Variants in XKR6 observed in about 807,000 individuals in gnomAD.
XKR6 encodes the protein XK-related protein 6.
XKR6 carries 22 observed loss-of-function variants against 56.7 expected under a neutral mutation model. The observed-to-expected ratio is 0.39, with a 90% CI of 0.28 to 0.55. The LOEUF is 0.55. Ranked by LOEUF, XKR6 falls within the 20% of genes least tolerant of loss-of-function variation. The probability of loss-of-function intolerance (pLI) is 0.66; values close to 1 mark genes in which losing one functional copy is unlikely to be tolerated. For missense variants in XKR6, 852 were observed against 889.0 expected (o/e 0.96, Z 0.53); for synonymous variants, 524 against 387.8 (o/e 1.35, Z -4.13).
chr8:10,979,845 G>A (rs1797687701), intron 1 of XKR6, among the ~76,000 whole-genome samples: 1 of 152,216 alleles, frequency 6.6e-6, no homozygotes, highest in Non-Finnish European at 1.5e-5. Context: ...AGACTCCCAG[G>A]CTGAGGTCTT....
At chr8:11,148,221 GACAA>G (rs1179477444) in intron 1 of XKR6, among the ~76,000 whole-genome samples, 10 of 151,894 alleles carry the variant, frequency 6.6e-5, no homozygotes, top group Admixed American at 2.0e-4. Context: ...AAAACAAACA[GACAA>G]ACAAACAAAA....
chr8:10,995,986 T>C (rs1451462541), intron 1 of XKR6, among the ~76,000 whole-genome samples: 2 of 152,212 alleles, frequency 1.3e-5, no homozygotes, highest in African/African-American at 2.4e-5. Flanking sequence ...TTTCCTTGTT[T>C]ACATGATATA....
chr8:10,982,623 A>G (rs1398463529), intron 1 of XKR6, among the ~76,000 whole-genome samples: 1 of 152,194 alleles, frequency 6.6e-6, no homozygotes, highest in African/African-American at 2.4e-5. Flanking sequence ...GAAGTCCGGG[A>G]GATATCTTCC....
chr8:11,177,213 C>G (rs1000188717), intron 1 of XKR6, among the ~76,000 whole-genome samples: 72 of 152,178 alleles, frequency 4.7e-4, no homozygotes, highest in African/African-American at 1.6e-3. Context: ...TGTAACCTCC[C>G]ACAGCTACAA....
At chr8:10,970,195 C>T (rs140251683) in intron 1 of XKR6, among the ~76,000 whole-genome samples, 17 of 152,256 alleles carry the variant, frequency 1.1e-4, no homozygotes, top group East Asian at 9.6e-4. Flanking sequence ...TCTCTGGAGG[C>T]GAGGGAAGAC....
intron 1 of XKR6, chr8:11,128,790 A>G (rs1799955041): frequency 2.2e-6 from 1 of 456,158 alleles, no homozygotes; most frequent in Non-Finnish European, 4.4e-6. Context: ...CCATCAGCTG[A>G]CCAAATTAGC....
intron 1 of XKR6, among the ~76,000 whole-genome samples, chr8:10,981,932 C>T (rs925132652): frequency 2.0e-5 from 3 of 152,200 alleles, no homozygotes; most frequent in African/African-American, 7.2e-5. Flanking sequence ...AAGCTCATGG[C>T]TTGGATTAAG....
intron 1 of XKR6, among the ~76,000 whole-genome samples, chr8:11,130,264 T>C (rs927901425): frequency 6.6e-6 from 1 of 152,102 alleles, no homozygotes; most frequent in African/African-American, 2.4e-5. Flanking sequence ...AAATGATAGA[T>C]TTTTCAGCAA....
At chr8:11,179,502 CAT>C (rs755293476) in intron 1 of XKR6, among the ~76,000 whole-genome samples, 46 of 152,286 alleles carry the variant, frequency 3.0e-4, no homozygotes, top group East Asian at 7.7e-4. Flanking sequence ...CTGATATGCA[CAT>C]GTGTGTGTGT....
chr8:11,191,959 G>T (rs919717024), intron 1 of XKR6, among the ~76,000 whole-genome samples: 1 of 152,058 alleles, frequency 6.6e-6, no homozygotes, highest in South Asian at 2.1e-4. Flanking sequence ...CATATTTGAG[G>T]TGAAGTATTT....
At chr8:11,137,814 C>A (rs1342454839) in intron 1 of XKR6, 3 of 395,132 alleles carry the variant, frequency 7.6e-6, no homozygotes, top group South Asian at 1.9e-5. Context: ...CTGAACTGCA[C>A]CGCAACTCTA....
At chr8:11,071,656 G>A (rs549540529) in intron 1 of XKR6, among the ~76,000 whole-genome samples, 5 of 150,652 alleles carry the variant, frequency 3.3e-5, no homozygotes, top group South Asian at 4.3e-4. Context: ...CATGAGCCCC[G>A]AGTCTATGAG....
chr8:10,898,728 G>A lies in XKR6; in HGVS notation c.1150C>T (p.Leu384Phe), dbSNP rs1246454135. Residue 384 changes from leucine (L) to phenylalanine (F), a missense_variant, in exon 3 of 3, where the codon CTC (leucine) becomes TTC (phenylalanine). Leu to Phe is a conservative substitution (Grantham distance 22, BLOSUM62 0). Transcript: ENST00000416569. The surrounding 1 kb of genome is among the most constrained non-coding windows in gnomAD (Gnocchi z 6.6). ...ACCACCACGAAGATCCCAAAATAGA[G>A]CTGGAAGATGGAAGCAAAGAGGGCA... is the stretch of plus-strand genomic sequence containing the variant. ...SFALFASIFQ[L>F]YFGIFVVVHW... 2 of 1,613,996 alleles carry A rather than the reference G, an allele frequency of 1.2e-6. No homozygotes were observed. The highest frequency in any genetic ancestry group is 1.7e-5 in the Admixed American group (1 of 59,996).
chr8:11,185,761 T>C (rs576087502), intron 1 of XKR6, among the ~76,000 whole-genome samples: 1 of 152,360 alleles, frequency 6.6e-6, no homozygotes, highest in African/African-American at 2.4e-5. Context: ...ACAATACTTT[T>C]CATTGAGTCC....
intron 1 of XKR6, among the ~76,000 whole-genome samples, chr8:11,191,727 A>T (rs1585039264): frequency 6.6e-6 from 1 of 151,038 alleles, no homozygotes; most frequent in South Asian, 2.1e-4. Context: ...ACAGAGAGGG[A>T]CTATTCTAAA....
intron 2 of XKR6, among the ~76,000 whole-genome samples, chr8:10,911,482 T>C (rs989968133): frequency 5.4e-5 from 8 of 148,668 alleles, no homozygotes; most frequent in African/African-American, 1.5e-4. Flanking sequence ...TGTGTATATA[T>C]ATATATAGAG....
chr8:10,994,722 T>G (rs4841472), intron 1 of XKR6, among the ~76,000 whole-genome samples: 56,049 of 152,070 alleles, frequency 0.37, 11,260 homozygotes, highest in African/African-American at 0.5. Context: ...AGAAAAAAAA[T>G]ACCCATTTTA....
chr8:11,076,916 C>A (rs988142047), intron 1 of XKR6, among the ~76,000 whole-genome samples: 4 of 152,160 alleles, frequency 2.6e-5, no homozygotes, highest in Non-Finnish European at 5.9e-5. Flanking sequence ...GTGGCTCATG[C>A]GTGTAATCCC....
chr8:11,142,498 G>A (rs984795850), intron 1 of XKR6, among the ~76,000 whole-genome samples: 4 of 152,172 alleles, frequency 2.6e-5, no homozygotes, highest in Non-Finnish European at 4.4e-5. Context: ...TGGATCATGG[G>A]AGCAGATCCC....
Sources: gnomAD v4.1 joint callset for allele counts (sites outside exome capture counted in the v4.1 genomes callset) on GRCh38, gnomAD v4.1.1 for gene constraint, Gnocchi (gnomAD v3.1) non-coding constraint, MANE v1.5 for transcripts, NCBI Gene and HGNC (gene_info 2026-07-23, HGNC 2026-07-21) for gene names.